The following SETBP1 variants were observed in gnomAD, a reference collection of about 807,000 sequenced individuals.
SETBP1 encodes the protein SET-binding protein.
Under a neutral mutation model 101.0 loss-of-function variants are expected in SETBP1, and 9 were observed. The observed-to-expected ratio is 0.09, with a 90% CI of 0.05 to 0.16. The LOEUF is 0.16. SETBP1 is among the 10% of genes least tolerant of loss of function. The pLI is 1.00. For synonymous variants in SETBP1, 818 were observed against 788.5 expected (o/e 1.04, Z -0.63); for missense variants, 1,858 against 2,033.8 (o/e 0.91, Z 1.66).
chr18:44,994,015 C>T (rs189885100), intron 4 of SETBP1, among the ~76,000 whole-genome samples: 181 of 152,074 alleles, frequency 1.2e-3, no homozygotes, highest in Non-Finnish European at 1.4e-3. Flanking sequence ...ATCTGACTAT[C>T]TTAATGAAAC....
intron 2 of SETBP1, among the ~76,000 whole-genome samples, chr18:44,735,572 G>A (rs2069946323): frequency 6.6e-6 from 1 of 152,196 alleles, no homozygotes; most frequent in East Asian, 1.9e-4. Flanking sequence ...ATTAAGAAGA[G>A]AGACAGACAA....
At chr18:44,942,624 ATC>A (rs2145053736) in intron 3 of SETBP1, among the ~76,000 whole-genome samples, 1 of 152,270 alleles carries the variant, frequency 6.6e-6, no homozygotes, top group African/African-American at 2.4e-5. Flanking sequence ...CTTCTCTAGA[ATC>A]TCAGCCTGTG....
At chr18:44,937,259 C>T (rs1335887773) in intron 3 of SETBP1, among the ~76,000 whole-genome samples, 1 of 151,324 alleles carries the variant, frequency 6.6e-6, no homozygotes, top group East Asian at 2.0e-4. Context: ...GAGACCATCC[C>T]GGCTAAAACG....
At chr18:45,002,316 G>C (rs1256790895) in intron 4 of SETBP1, among the ~76,000 whole-genome samples, 1 of 150,526 alleles carries the variant, frequency 6.6e-6, no homozygotes, top group African/African-American at 2.4e-5. Flanking sequence ...TTGTCAAGAG[G>C]AACAGATTCC....
At chr18:44,768,094 G>C (rs1172244400) in intron 2 of SETBP1, among the ~76,000 whole-genome samples, 1 of 152,200 alleles carries the variant, frequency 6.6e-6, no homozygotes, top group Non-Finnish European at 1.5e-5. Context: ...CTCTGTATAG[G>C]AGCACAGTAG....
chr18:44,755,899 T>G (rs1359684771), intron 2 of SETBP1, among the ~76,000 whole-genome samples: 1 of 152,094 alleles, frequency 6.6e-6, no homozygotes, highest in African/African-American at 2.4e-5. Context: ...GTTAATAAAA[T>G]TTGTGTTCCT....
At chr18:44,868,230 T>G (rs1377094391) in intron 2 of SETBP1, among the ~76,000 whole-genome samples, 1 of 152,214 alleles carries the variant, frequency 6.6e-6, no homozygotes, top group African/African-American at 2.4e-5. Context: ...TCTTTTATGT[T>G]GTATATGATT....
At chr18:44,691,503 CAA>C (rs2068932689) in intron 1 of SETBP1, among the ~76,000 whole-genome samples, 1 of 152,110 alleles carries the variant, frequency 6.6e-6, no homozygotes, top group African/African-American at 2.4e-5. Flanking sequence ...CACCAGGGAG[CAA>C]AGACACAAGG....
chr18:45,006,663 T>C (rs999722953), intron 4 of SETBP1, among the ~76,000 whole-genome samples: 3 of 152,204 alleles, frequency 2.0e-5, no homozygotes, highest in Admixed American at 1.3e-4. Context: ...TCTCTTCTTA[T>C]AAGAACAACA....
intron 3 of SETBP1, chr18:44,876,684 C>G (rs1371088626): frequency 6.5e-7 from 1 of 1,526,904 alleles, no homozygotes; most frequent in Admixed American, 2.1e-5. Context: ...GGAACCCATT[C>G]CCCGCAAAAC....
intron 2 of SETBP1, among the ~76,000 whole-genome samples, chr18:44,820,395 A>G (rs1006566410): frequency 1.3e-5 from 2 of 152,132 alleles, no homozygotes; most frequent in African/African-American, 2.4e-5. Context: ...CTGGCCATCA[A>G]ATGCTGAGAG....
intron 2 of SETBP1, among the ~76,000 whole-genome samples, chr18:44,750,424 A>G (rs2070356387): frequency 6.6e-6 from 1 of 152,180 alleles, no homozygotes; most frequent in Admixed American, 6.5e-5. Flanking sequence ...ATCTACACCC[A>G]GTTACCTCCC....
At chr18:45,014,329 C>A (rs1325885141) in intron 4 of SETBP1, among the ~76,000 whole-genome samples, 2 of 152,186 alleles carry the variant, frequency 1.3e-5, no homozygotes, top group Non-Finnish European at 2.9e-5. Context: ...CTAGCTCTGA[C>A]CTGCCACCCT....
At chr18:44,989,673 T>C (rs1431056768) in intron 4 of SETBP1, among the ~76,000 whole-genome samples, 1 of 150,748 alleles carries the variant, frequency 6.6e-6, no homozygotes, top group African/African-American at 2.4e-5. Context: ...ATCGAGACCA[T>C]CCCGGCTAAA....
chr18:44,713,455 A>G (rs2069390515), intron 2 of SETBP1, among the ~76,000 whole-genome samples: 1 of 152,078 alleles, frequency 6.6e-6, no homozygotes, highest in Admixed American at 6.5e-5. Flanking sequence ...TGTTCCTTGT[A>G]TTCCATGGTT....
At chr18:44,964,889 C>T (rs1225229794) in intron 4 of SETBP1, among the ~76,000 whole-genome samples, 1 of 152,170 alleles carries the variant, frequency 6.6e-6, no homozygotes, top group Non-Finnish European at 1.5e-5. Flanking sequence ...CCCAGATTTG[C>T]TCGTGATAAC....
chr18:44,758,529 C>A (rs910646800), intron 2 of SETBP1, among the ~76,000 whole-genome samples: 1 of 151,950 alleles, frequency 6.6e-6, no homozygotes, highest in African/African-American at 2.4e-5. Context: ...ACTACAGGGG[C>A]CTGCCACCAC....
chr18:44,800,276 C>T (rs1384965416), intron 2 of SETBP1, among the ~76,000 whole-genome samples: 8 of 152,060 alleles, frequency 5.3e-5, no homozygotes. Flanking sequence ...GATGTCATTT[C>T]CTTTTGATGT....
intron 3 of SETBP1, among the ~76,000 whole-genome samples, chr18:44,900,594 C>G (rs533450973): frequency 6.6e-6 from 1 of 152,156 alleles, no homozygotes; most frequent in Non-Finnish European, 1.5e-5. Context: ...GAGAAAAATT[C>G]GTTCACAATG....
Sources: allele counts gnomAD v4.1 joint callset (sites outside exome capture counted in the v4.1 genomes callset), GRCh38; gene constraint gnomAD v4.1.1; transcripts MANE v1.5; gene names NCBI Gene and HGNC (gene_info 2026-07-23, HGNC 2026-07-21).